The following CPEB1 variants were observed in gnomAD, a reference collection of about 807,000 sequenced individuals.
The protein encoded by CPEB1 is cytoplasmic polyadenylation element binding protein 1, also known as cytoplasmic polyadenylation element-binding protein 1.
Under a neutral mutation model 65.8 loss-of-function variants are expected in CPEB1, and 7 were observed. That is an observed-to-expected ratio of 0.11 (90% CI 0.06 to 0.20). The LOEUF (loss-of-function observed/expected upper bound fraction) is 0.20, where lower values mean the gene tolerates loss of function less well. Among genes scored for constraint, CPEB1 ranks in the 10% least tolerant of loss-of-function variants. CPEB1 has a pLI of 1.00. For missense variants in CPEB1, 551 were observed against 712.2 expected, an observed-to-expected ratio of 0.77 and a Z score of 2.58; for synonymous variants, 262 against 260.0, an observed-to-expected ratio of 1.01 and a Z score of -0.08.
chr15:82,554,239 G>A (rs1187829588), intron 6 of CPEB1, among the ~76,000 whole-genome samples: 1 of 152,192 alleles, frequency 6.6e-6, no homozygotes, highest in Admixed American at 6.5e-5. Context: ...CAAACCAGAT[G>A]TGTAGGGTAA....
chr15:82,586,069 G>C (rs1396699771), intron 3 of CPEB1, among the ~76,000 whole-genome samples: 1 of 152,164 alleles, frequency 6.6e-6, no homozygotes, highest in African/African-American at 2.4e-5. Context: ...TTGTGAGCAA[G>C]GTGCTAGGAA....
intron 3 of CPEB1, among the ~76,000 whole-genome samples, chr15:82,618,787 A>G (rs1487003749): frequency 6.6e-6 from 1 of 152,250 alleles, no homozygotes; most frequent in Non-Finnish European, 1.5e-5. Flanking sequence ...AGACATCTAC[A>G]AACACTAAGA....
At chr15:82,647,798 C>T (rs1348523365), upstream of CPEB1, 3 of 1,269,154 alleles carry the variant, frequency 2.4e-6, no homozygotes, top group Non-Finnish European at 2.0e-6. Context: ...GCGCGCGGAC[C>T]GTTAGCTACT....
intron 3 of CPEB1, among the ~76,000 whole-genome samples, chr15:82,598,082 C>T (rs2042800155): frequency 6.6e-6 from 1 of 152,206 alleles, no homozygotes; most frequent in Admixed American, 6.5e-5. Context: ...AGAAGTTTAG[C>T]TACTATTACA....
At chr15:82,642,654 A>AC (rs1225698017) in intron 1 of CPEB1, among the ~76,000 whole-genome samples, 2 of 151,924 alleles carry the variant, frequency 1.3e-5, no homozygotes, top group East Asian at 3.9e-4. Flanking sequence ...TTCTTACATA[A>AC]CCCCCTCTAC....
chr15:82,644,535 T>C (rs779976060), intron 1 of CPEB1, among the ~76,000 whole-genome samples: 5 of 152,198 alleles, frequency 3.3e-5, no homozygotes, highest in Non-Finnish European at 7.3e-5. Flanking sequence ...ATTTGGTCTA[T>C]AGTGTTTAAA....
intron 3 of CPEB1, among the ~76,000 whole-genome samples, chr15:82,580,279 C>T (rs2041143122): frequency 6.7e-6 from 1 of 149,898 alleles, no homozygotes; most frequent in Non-Finnish European, 1.5e-5. Context: ...TGAGATCATG[C>T]CACTGCACTC....
intron 1 of CPEB1, among the ~76,000 whole-genome samples, chr15:82,642,753 C>T (rs1006445543): frequency 1.3e-5 from 2 of 152,064 alleles, no homozygotes; most frequent in Admixed American, 6.5e-5. Flanking sequence ...GTTTATATAC[C>T]GCCTAGGAAA....
rs1198907027 is a variant in CPEB1, at chr15:82,557,924, G to T, written c.523C>A (p.Pro175Thr). The change falls in exon 5 of 13, where the codon CCT (proline) becomes ACT (threonine). Residue 175 changes from proline (P) to threonine (T), a missense_variant. By Grantham distance (38) the Pro-to-Thr change is conservative. Coordinates refer to ENST00000684509, the MANE Select transcript of CPEB1 (RefSeq NM_001365242.1). Reference sequence around the variant, plus strand: ...AAGTCAGACCCAAGGGGATCCAGAGGCAGGAAGCTCAAGGGGGGTTTTCCT... The same window carrying T: ...AAGTCAGACCCAAGGGGATCCAGAGTCAGGAAGCTCAAGGGGGGTTTTCCT... Reference protein sequence around the residue: ...VLGKPPLSFLPLDPLGSDLVD... With the variant: ...VLGKPPLSFLTLDPLGSDLVD... 1.9e-6 allele frequency: 3 copies of T among 1,613,994 alleles called. No homozygotes were observed. In the South Asian group the frequency reaches 3.3e-5, roughly 18 times the overall value.
chr15:82,580,373 T>C (rs1393710927), intron 3 of CPEB1, among the ~76,000 whole-genome samples: 6 of 151,728 alleles, frequency 4.0e-5, no homozygotes, highest in Non-Finnish European at 2.9e-5. Flanking sequence ...AGTTTCCCCC[T>C]GTTAAAGAAC....
At chr15:82,614,877 GTGTATATA>G (rs1488395973) in intron 3 of CPEB1, among the ~76,000 whole-genome samples, 4 of 126,712 alleles carry the variant, frequency 3.2e-5, no homozygotes, top group Non-Finnish European at 7.1e-5. Context: ...GTGTGTGTGT[GTGTATATA>G]TATATATGAC....
intron 3 of CPEB1, among the ~76,000 whole-genome samples, chr15:82,621,737 G>GA (rs139508744): frequency 0.07 from 10,680 of 152,206 alleles, 608 homozygotes; most frequent in African/African-American, 0.15. Context: ...TTCAGTTTGG[G>GA]AAAGTTGGAG....
intron 3 of CPEB1, among the ~76,000 whole-genome samples, chr15:82,612,618 T>C (rs933883959): frequency 6.6e-6 from 1 of 151,456 alleles, no homozygotes; most frequent in Non-Finnish European, 1.5e-5. Flanking sequence ...GGGTGGGTCA[T>C]GAGGTCAGAA....
chr15:82,637,170 G>A (rs1403424908), intron 1 of CPEB1, among the ~76,000 whole-genome samples: 2 of 152,116 alleles, frequency 1.3e-5, no homozygotes, highest in South Asian at 2.1e-4. Context: ...TCTCTAAGCA[G>A]GTCTTTTTAT....
chr15:82,610,826 C>T (rs2044059041), intron 3 of CPEB1, among the ~76,000 whole-genome samples: 6 of 151,104 alleles, frequency 4.0e-5, no homozygotes, highest in Non-Finnish European at 1.5e-5. Flanking sequence ...GGCATGGTGG[C>T]GCACACCTGT....
At chr15:82,614,970 A>T (rs1330904206) in intron 3 of CPEB1, among the ~76,000 whole-genome samples, 3 of 152,146 alleles carry the variant, frequency 2.0e-5, no homozygotes, top group African/African-American at 7.2e-5. Flanking sequence ...TAGTAAGTGC[A>T]GTTATGTGCA....
At chr15:82,578,638 TC>T (rs2040914931) in intron 3 of CPEB1, among the ~76,000 whole-genome samples, 2 of 151,882 alleles carry the variant, frequency 1.3e-5, no homozygotes, top group Admixed American at 1.3e-4. Flanking sequence ...GCACCTGTAG[TC>T]CCAGCTACTC....
intron 3 of CPEB1, among the ~76,000 whole-genome samples, chr15:82,607,364 G>C (rs2043718656): frequency 1.3e-5 from 2 of 152,190 alleles, no homozygotes; most frequent in Admixed American, 6.5e-5. Flanking sequence ...GAGGCAGGTG[G>C]ATCACCTGAG....
Position 82,571,401 on chromosome 15 carries a change from C to T in CPEB1, c.403G>A (p.Asp135Asn). ...GLQSLSLTGW[D>N]RPWSTQDSDS... Reference sequence around the variant, plus strand: ...GAGTCCTGGGTGCTCCAGGGTCGGTCCCAGCCTGTCAGACTGAGGGACTGC... The same window carrying T: ...GAGTCCTGGGTGCTCCAGGGTCGGTTCCAGCCTGTCAGACTGAGGGACTGC... The change falls in exon 4 of 13, where the codon GAC becomes AAC. Residue 135 changes from aspartate to asparagine, a missense_variant. Asp to Asn is a conservative substitution (Grantham distance 23). Around this residue, in one of 6 missense-constraint regions of CPEB1, gnomAD observed 223 missense variants for 228.6 expected, o/e 0.98. Transcript: ENST00000684509. 2 of 1,614,130 alleles carry T rather than the reference C, an allele frequency of 1.2e-6. No homozygotes were observed. The highest frequency in any genetic ancestry group is 1.6e-4 in the Middle Eastern group (1 of 6,062).
Sources: gnomAD v4.1 joint callset for allele counts (sites outside exome capture counted in the v4.1 genomes callset) on GRCh38, gnomAD v4.1.1 for gene constraint, gnomAD v4.1.1 regional missense constraint, MANE v1.5 for transcripts, NCBI Gene and HGNC (gene_info 2026-07-23, HGNC 2026-07-21) for gene names.